Variants in SLC15A1 observed in about 807,000 individuals in gnomAD.
SLC15A1 encodes the protein Caco-2 oligopeptide transporter.
Under a neutral mutation model 92.9 loss-of-function variants are expected in SLC15A1, and 83 were observed. The ratio of observed to expected loss-of-function variants is 0.89; its 90% CI spans 0.75 to 1.07. SLC15A1 has a LOEUF of 1.07. Among genes scored for constraint, SLC15A1 ranks in the 50% least tolerant of loss-of-function variants. SLC15A1 has a pLI of 0.00. For synonymous variants in SLC15A1, 322 were observed against 318.2 expected (o/e 1.01, Z -0.13); for missense variants, 857 against 880.1 (o/e 0.97, Z 0.33).
intron 16 of SLC15A1, 67 bp downstream of exon 16, chr13:98,706,067 C>G (rs111753042): frequency 6.5e-7 from 1 of 1,541,610 alleles, no homozygotes; most frequent in African/African-American, 1.4e-5. Flanking sequence ...AGAAAAACAG[C>G]TTCTCTAAAT....
intron 18 of SLC15A1, among the ~76,000 whole-genome samples, chr13:98,689,443 C>T (rs754742193): frequency 3.8e-4 from 57 of 151,986 alleles, no homozygotes; most frequent in African/African-American, 8.0e-4. Context: ...TAACAAGAGA[C>T]GGTTTTTTCA....
intron 18 of SLC15A1, among the ~76,000 whole-genome samples, chr13:98,695,182 A>G (rs1450816849): frequency 6.6e-6 from 1 of 152,224 alleles, no homozygotes. Context: ...TTGTTTATAG[A>G]CATATACATA....
intron 15 of SLC15A1, among the ~76,000 whole-genome samples, chr13:98,706,811 G>A (rs186587799): frequency 3.9e-5 from 6 of 152,224 alleles, no homozygotes; most frequent in East Asian, 1.9e-4. Context: ...GGACTAATAC[G>A]TGAACGAGTC....
chr13:98,689,456 CTTTT>C (rs1322007755), intron 18 of SLC15A1, among the ~76,000 whole-genome samples: 2 of 151,686 alleles, frequency 1.3e-5, no homozygotes, highest in African/African-American at 4.8e-5. Context: ...TTTTTTCAGT[CTTTT>C]TTAGAGATGA....
chr13:98,727,780 T>G (rs2088314826), intron 1 of SLC15A1, among the ~76,000 whole-genome samples: 1 of 152,230 alleles, frequency 6.6e-6, no homozygotes, highest in South Asian at 2.1e-4. Flanking sequence ...CATACTACCC[T>G]GTTTCCCACA....
intron 1 of SLC15A1, among the ~76,000 whole-genome samples, chr13:98,732,469 G>T (rs1270664706): frequency 6.6e-6 from 1 of 151,972 alleles, no homozygotes; most frequent in Non-Finnish European, 1.5e-5. Flanking sequence ...GGGTTGGGGG[G>T]GACAGGGAAC....
Position 98,683,871 on chromosome 13 carries a change from C to T in SLC15A1, c.*853G>A, listed in dbSNP as rs901379830. 1 of 152,188 alleles carries T rather than the reference C, an allele frequency of 6.6e-6. No individual in the cohort carries two copies. The highest frequency in any genetic ancestry group is 2.4e-5 in the African/African-American group (1 of 41,466). 9.4% of individuals were successfully genotyped at this position (152,188 alleles called of 1,614,324 possible). On this transcript the variant is annotated 3_prime_UTR_variant, in exon 23 of 23. Transcript: ENST00000376503. ...CATTACTGGCCTTCACCTGAGCTGT[C>T]TTTCGAGTTATCCATAATTTAAACA...
chr13:98,701,150 C>T (rs1192137778), intron 18 of SLC15A1, among the ~76,000 whole-genome samples: 1 of 152,152 alleles, frequency 6.6e-6, no homozygotes, highest in Non-Finnish European at 1.5e-5. Flanking sequence ...TATATTAAAT[C>T]TTCTGATCAA....
In SLC15A1 at chr13:98,712,564, A is replaced by G. The variant is rs1286317726; in HGVS notation, c.744T>C (p.Phe248=). Residue 248 remains phenylalanine, a synonymous_variant, in exon 10 of 23, where the codon TTT becomes TTC. Transcript: ENST00000376503. ...TGGGAAATGCCTTACTCCGATGCCT[A>G]AATCTATTTTTGATGGCAAACTGAA... ...KCIGFAIKNR[F]RHRSKAFPKR... 1 of 1,607,932 alleles carries G rather than the reference A, an allele frequency of 6.2e-7. No individual in the cohort carries two copies. The highest frequency in any genetic ancestry group is 1.3e-5 in the African/African-American group (1 of 74,750).
chr13:98,732,196 G>C (rs2034550752), intron 1 of SLC15A1, among the ~76,000 whole-genome samples: 2 of 152,202 alleles, frequency 1.3e-5, no homozygotes, highest in South Asian at 4.1e-4. Context: ...TTCCCTGCTA[G>C]TAAACCTCAG....
At chr13:98,727,010 A>G in intron 1 of SLC15A1, 151 bp from the exon 2 acceptor site, 1 of 706,908 alleles carries the variant, frequency 1.4e-6, no homozygotes, top group South Asian at 1.7e-5. Context: ...CCCCAGACTC[A>G]TGCTTCTTAT....
chr13:98,742,113 C>T (rs559877447), intron 1 of SLC15A1, among the ~76,000 whole-genome samples: 2 of 152,346 alleles, frequency 1.3e-5, no homozygotes, highest in East Asian at 1.9e-4. Flanking sequence ...CCTCCCAGAA[C>T]ACAAGAGAAT....
At chr13:98,746,937 T>G (rs2088497662) in intron 1 of SLC15A1, among the ~76,000 whole-genome samples, 1 of 152,058 alleles carries the variant, frequency 6.6e-6, no homozygotes, top group Admixed American at 6.6e-5. Context: ...CTGTGGCACT[T>G]CCCAACGGCT....
intron 15 of SLC15A1, among the ~76,000 whole-genome samples, chr13:98,707,941 TTA>T (rs60611613): frequency 1.1e-4 from 16 of 145,616 alleles, no homozygotes; most frequent in Non-Finnish European, 2.2e-4. Flanking sequence ...AAATGTTATG[TTA>T]TATATATATA....
At chr13:98,741,424 C>T (rs2088444140) in intron 1 of SLC15A1, among the ~76,000 whole-genome samples, 1 of 152,140 alleles carries the variant, frequency 6.6e-6, no homozygotes. Flanking sequence ...ACCAGCCTGG[C>T]CAGCATGGTG....
At chr13:98,709,844 T>C (rs2088147070) in intron 12 of SLC15A1, 23 bp downstream of exon 12, 1 of 1,614,004 alleles carries the variant, frequency 6.2e-7, no homozygotes, top group African/African-American at 1.3e-5. Flanking sequence ...ACAAAGAAAC[T>C]AAAACAAAGG....
chr13:98,731,516 C>A (rs1371077984), intron 1 of SLC15A1, among the ~76,000 whole-genome samples: 1 of 152,118 alleles, frequency 6.6e-6, no homozygotes, highest in Non-Finnish European at 1.5e-5. Context: ...ACAGAAAGGT[C>A]CCTGTTATCC....
At chr13:98,737,200 G>A (rs1331214355) in intron 1 of SLC15A1, among the ~76,000 whole-genome samples, 1 of 152,190 alleles carries the variant, frequency 6.6e-6, no homozygotes. Context: ...GTAGGGACAT[G>A]GTTGAAGCTG....
Position 98,709,722 on chromosome 13 carries a change from G to A in SLC15A1, c.978+20C>T. 6.2e-7 allele frequency: 1 copy of A among 1,614,182 alleles called. No individual in the cohort carries two copies. The highest frequency in any genetic ancestry group is 8.5e-7 in the Non-Finnish European group (1 of 1,180,046). On this transcript the variant is annotated intron_variant, in intron 13 of 22. Coordinates refer to ENST00000376503, the MANE Select transcript of SLC15A1 (RefSeq NM_005073.4). ...TCAAAGACGACTCTGATCCCTGAAA[G>A]CAACTTACATGTCTTCTACCTGCAT...
Sources: allele counts gnomAD v4.1 joint callset (sites outside exome capture counted in the v4.1 genomes callset), GRCh38; gene constraint gnomAD v4.1.1; transcripts MANE v1.5; gene names NCBI Gene and HGNC (gene_info 2026-07-23, HGNC 2026-07-21).